Variants in TTLL5 observed in about 807,000 individuals in gnomAD.
The protein encoded by TTLL5 is tubulin polyglutamylase TTLL5.
In TTLL5, 132 loss-of-function variants were observed where a neutral mutation model predicts 168.4. The observed-to-expected ratio is 0.78, with a 90% CI of 0.68 to 0.91. The LOEUF (loss-of-function observed/expected upper bound fraction) is 0.91, where lower values mean the gene tolerates loss of function less well. TTLL5 is among the 40% of genes least tolerant of loss of function. The pLI, the probability that TTLL5 is intolerant of heterozygous loss-of-function variation, is 0.00. For synonymous variants in TTLL5, 546 were observed against 558.6 expected (o/e 0.98, Z 0.32); for missense variants, 1,545 against 1,581.5 (o/e 0.98, Z 0.39).
intron 13 of TTLL5, 22 bp from the exon 14 acceptor site, chr14:75,733,967 T>C (rs1888726524): frequency 6.2e-7 from 1 of 1,613,410 alleles, no homozygotes; most frequent in Non-Finnish European, 8.5e-7. Context: ...TCAATTGCTC[T>C]TTTCTTTCTC....
intron 26 of TTLL5, among the ~76,000 whole-genome samples, chr14:75,789,191 A>T (rs1377988541): frequency 1.3e-5 from 2 of 152,190 alleles, no homozygotes; most frequent in Non-Finnish European, 2.9e-5. Context: ...ACAAGTAAGG[A>T]TGCCCATTAA....
intron 31 of TTLL5, among the ~76,000 whole-genome samples, chr14:75,937,672 C>T (rs1177420310): frequency 6.6e-6 from 1 of 152,154 alleles, no homozygotes; most frequent in Non-Finnish European, 1.5e-5. Context: ...TCTCCAGGTT[C>T]ATCTGCGTTG....
At chr14:75,673,108 A>T (rs865824976) in intron 3 of TTLL5, among the ~76,000 whole-genome samples, 30 of 134,502 alleles carry the variant, frequency 2.2e-4, no homozygotes, top group Middle Eastern at 3.7e-3. Context: ...CTAGCTAATT[A>T]AAAAAAAAAA....
At chr14:75,942,689 C>T (rs937960936) in intron 31 of TTLL5, among the ~76,000 whole-genome samples, 1 of 152,154 alleles carries the variant, frequency 6.6e-6, no homozygotes, top group African/African-American at 2.4e-5. Flanking sequence ...TTTACCTTGG[C>T]AAATGTTGAT....
intron 31 of TTLL5, among the ~76,000 whole-genome samples, chr14:75,932,983 A>G (rs1451197413): frequency 6.6e-6 from 1 of 152,250 alleles, no homozygotes; most frequent in Non-Finnish European, 1.5e-5. Context: ...CATTTGTAGC[A>G]AAGTTTGAAG....
At chr14:75,706,210 T>A (rs1369976739) in intron 7 of TTLL5, among the ~76,000 whole-genome samples, 1 of 152,254 alleles carries the variant, frequency 6.6e-6, no homozygotes, top group Non-Finnish European at 1.5e-5. Flanking sequence ...CTGATTGGTC[T>A]GCACTTTAAC....
At chr14:75,897,685 A>G (rs1001027509) in intron 30 of TTLL5, among the ~76,000 whole-genome samples, 2 of 152,076 alleles carry the variant, frequency 1.3e-5, no homozygotes, top group African/African-American at 4.8e-5. Flanking sequence ...CATGTTGGCC[A>G]GGCTGGTCTC....
At chr14:75,845,601 G>A (rs886178725) in intron 28 of TTLL5, among the ~76,000 whole-genome samples, 10 of 152,164 alleles carry the variant, frequency 6.6e-5, no homozygotes, top group Non-Finnish European at 1.2e-4. Context: ...TTTACTGAGC[G>A]CCTGGTTTAT....
At chr14:75,693,556 A>T (rs1053999719) in intron 6 of TTLL5, among the ~76,000 whole-genome samples, 3 of 152,248 alleles carry the variant, frequency 2.0e-5, no homozygotes, top group African/African-American at 7.2e-5. Context: ...TGGTCTATCT[A>T]GGCTCCTGCC....
intron 30 of TTLL5, among the ~76,000 whole-genome samples, chr14:75,888,607 T>C (rs1272012311): frequency 1.3e-5 from 2 of 152,046 alleles, no homozygotes; most frequent in Admixed American, 6.5e-5. Flanking sequence ...GGCCTGGCAA[T>C]AGGTGGTATA....
Position 75,764,591 on chromosome 14 carries a change from G to C in TTLL5, c.1551-24G>C, listed in dbSNP as rs371703636. ...AGGAGAGAACTTTCTGAAGGCCATA[G>C]CTACCATGTTGCTTTTCCCCTAGAA... On this transcript the variant is annotated intron_variant, in intron 18 of 31. Coordinates refer to ENST00000298832, the MANE Select transcript of TTLL5 (RefSeq NM_015072.5). 1.2e-4 allele frequency: 201 copies of C among 1,612,936 alleles called. 1 individual carries two copies. In the South Asian group the frequency reaches 2.0e-3, roughly 16 times the overall value.
intron 27 of TTLL5, among the ~76,000 whole-genome samples, chr14:75,802,592 A>G (rs1191966250): frequency 6.6e-6 from 1 of 152,200 alleles, no homozygotes; most frequent in African/African-American, 2.4e-5. Context: ...TTGTGTGTGC[A>G]TGTGTATATG....
chr14:75,740,108 C>T (rs769923822), intron 15 of TTLL5, among the ~76,000 whole-genome samples: 1 of 152,092 alleles, frequency 6.6e-6, no homozygotes, highest in Non-Finnish European at 1.5e-5. Context: ...TGGCACTAAC[C>T]CCTAACTGGA....
chr14:75,924,952 A>T (rs146807031), intron 31 of TTLL5, among the ~76,000 whole-genome samples: 4 of 128,378 alleles, frequency 3.1e-5, no homozygotes, highest in Non-Finnish European at 5.0e-5. Flanking sequence ...GCGGCTGGCC[A>T]GGCGGAGGGC....
intron 5 of TTLL5, among the ~76,000 whole-genome samples, chr14:75,687,991 G>T (rs1327605803): frequency 6.6e-6 from 1 of 152,136 alleles, no homozygotes; most frequent in Non-Finnish European, 1.5e-5. Flanking sequence ...AATGCAGAGT[G>T]GTATAGCCAC....
intron 30 of TTLL5, among the ~76,000 whole-genome samples, chr14:75,895,701 A>G (rs998631820): frequency 6.6e-6 from 1 of 152,216 alleles, no homozygotes; most frequent in African/African-American, 2.4e-5. Context: ...CTCTTAATAC[A>G]TTTATTTAAA....
intron 6 of TTLL5, among the ~76,000 whole-genome samples, chr14:75,697,503 CTT>C (rs1885957246): frequency 6.6e-6 from 1 of 152,142 alleles, no homozygotes; most frequent in South Asian, 2.1e-4. Context: ...CAAAAGATCT[CTT>C]TCTTTCCTCC....
intron 27 of TTLL5, among the ~76,000 whole-genome samples, chr14:75,813,728 A>T (rs750353358): frequency 6.6e-6 from 1 of 152,100 alleles, no homozygotes; most frequent in Non-Finnish European, 1.5e-5. Flanking sequence ...GTCCAAACAC[A>T]GACTTATAAG....
intron 7 of TTLL5, among the ~76,000 whole-genome samples, chr14:75,702,084 G>A (rs1170216370): frequency 2.0e-5 from 3 of 152,144 alleles, no homozygotes; most frequent in Admixed American, 6.5e-5. Flanking sequence ...ATTCAGTCTG[G>A]ACTCAAAACA....
Sources: gnomAD v4.1 joint callset for allele counts (sites outside exome capture counted in the v4.1 genomes callset) on GRCh38, gnomAD v4.1.1 for gene constraint, MANE v1.5 for transcripts, NCBI Gene and HGNC (gene_info 2026-07-23, HGNC 2026-07-21) for gene names.